Variants in NEB observed in about 807,000 individuals in gnomAD.
NEB encodes nemaline myopathy type 2.
NEB carries 512 observed loss-of-function variants against 952.2 expected under a neutral mutation model. The observed-to-expected ratio is 0.54, with a 90% confidence interval of 0.50 to 0.58. NEB has a LOEUF of 0.58. Ranked by LOEUF, NEB falls within the 20% of genes least tolerant of loss-of-function variation. NEB has a pLI of 0.00. For synonymous variants in NEB, 2,900 were observed against 3,149.8 expected (o/e 0.92, Z 2.66); for missense variants, 8,428 against 9,231.1 (o/e 0.91, Z 3.56).
rs148794372 is a variant in NEB, at chr2:151,672,519, G to A, written c.4149C>T (p.Thr1383=). The A allele has an allele frequency of 1.0e-4, 167 of 1,613,940 alleles. No homozygotes were observed. Among genetic ancestry groups the A allele is most frequent in the Middle Eastern group, 1.6e-4 (1 of 6,062 alleles). ...NYENTKTSYH[T]PGDMVSITAA... is the part of the protein sequence containing the mutation. ...CTGTGATGCTAACCATGTCCCCAGG[G>A]GTATGGTAGCTGGTTTTGGTGTTCT... The change falls in exon 37 of 182, where the codon ACC becomes ACT. Residue 1383 remains threonine, a synonymous_variant. Transcript: ENST00000397345.
rs1410682084 is a variant in NEB, at chr2:151,546,416, G to A, written c.20395C>T (p.Leu6799=). 6.2e-7 allele frequency: 1 copy of A among 1,613,322 alleles called. No individual in the cohort carries two copies. Among genetic ancestry groups the A allele is most frequent in the African/African-American group, 1.3e-5 (1 of 74,900 alleles). Reference sequence around the variant, plus strand: ...TACAGGAAGCAGCCAAATCCCTTCAGGACCTGCAAGTCCTCTTTGTATTTA... The same window carrying A: ...TACAGGAAGCAGCCAAATCCCTTCAAGACCTGCAAGTCCTCTTTGTATTTA... ...DIKYKEDLQV[L]KGFGCFLYDT... Residue 6799 remains leucine (L), a synonymous_variant, in exon 134 of 182, where the codon CTG becomes TTG. Coordinates refer to ENST00000397345, the MANE Select transcript of NEB (RefSeq NM_001164508.2).
At chr2:151,697,499 A>G (rs1340938131) in intron 14 of NEB, 42 bp from the exon 15 acceptor site, 1 of 1,606,290 alleles carries the variant, frequency 6.2e-7, no homozygotes, top group Non-Finnish European at 8.5e-7. Flanking sequence ...TGGTGAAATA[A>G]TGGGTTCTTT....
chr2:151,516,658 T>G (rs2077870135), intron 156 of NEB, 95 bp from the exon 157 acceptor site: 2 of 813,616 alleles, frequency 2.5e-6, no homozygotes, highest in Non-Finnish European at 4.1e-6. Flanking sequence ...GTTCTGTCAA[T>G]TGGATGGCAT....
At chr2:151,557,327 G>A (rs1020666794) in intron 124 of NEB, among the ~76,000 whole-genome samples, 3 of 152,068 alleles carry the variant, frequency 2.0e-5, no homozygotes, top group African/African-American at 4.8e-5. Flanking sequence ...GGAAGAAGTC[G>A]AATCCCTGAA....
chr2:151,488,490 A>G (rs1427766013), intron 181 of NEB, among the ~76,000 whole-genome samples: 1 of 151,826 alleles, frequency 6.6e-6, no homozygotes, highest in East Asian at 1.9e-4. Flanking sequence ...AAAAAAAAAA[A>G]AAAAAAATTA....
At chr2:151,679,660 G>GGCCCCC in intron 32 of NEB, 61 bp downstream of exon 32, 1 of 682,638 alleles carries the variant, frequency 1.5e-6, no homozygotes, top group Non-Finnish European at 2.7e-6. Context: ...GTCATCGTCA[G>GGCCCCC]ACCCCAAGCC....
In NEB at chr2:151,496,317, CG is replaced by C. The variant is rs2060146436; in HGVS notation, c.24444del (p.Glu8149ArgfsTer67). ...TGATTGTGTTTGACTCGCTCCATCT[CG>C]GGAGTGACAGCTAAAGGAGTTCCCT... is the stretch of plus-strand genomic sequence containing the variant. ...MGKGTPLAVT[P>X]EMERVKHNQE... On this transcript the variant is annotated frameshift_variant, in exon 173 of 182. Coordinates refer to ENST00000397345, the MANE Select transcript of NEB (RefSeq NM_001164508.2). LOFTEE classifies it high-confidence loss of function. 1 of 1,612,120 alleles carries C rather than the reference CG, an allele frequency of 6.2e-7. No individual in the cohort carries two copies. The highest frequency in any genetic ancestry group is 8.5e-7 in the Non-Finnish European group (1 of 1,179,084).
At chr2:151,667,222 T>C (rs1046468597) in intron 40 of NEB, among the ~76,000 whole-genome samples, 31 of 151,950 alleles carry the variant, frequency 2.0e-4, no homozygotes, top group African/African-American at 7.5e-4. Context: ...CTGAATTATT[T>C]TAAAATACTT....
intron 65 of NEB, 132 bp from the exon 66 acceptor site, chr2:151,631,478 A>C: frequency 1.0e-6 from 1 of 969,210 alleles, no homozygotes; most frequent in South Asian, 2.0e-5. Context: ...TATAAGGCAA[A>C]CTAAAAGAAT....
At chr2:151,613,292 T>A (rs2098077964) in intron 77 of NEB, among the ~76,000 whole-genome samples, 1 of 152,200 alleles carries the variant, frequency 6.6e-6, no homozygotes, top group South Asian at 2.1e-4. Context: ...TTCATATGTA[T>A]AATTCATTTT....
chr2:151,562,517 G>T, intron 120 of NEB, 94 bp downstream of exon 120: 2 of 1,248,262 alleles, frequency 1.6e-6, no homozygotes, highest in East Asian at 2.5e-5. Context: ...TATGAATACA[G>T]GGACAACGGG....
In NEB at chr2:151,664,518, T is replaced by C. The variant is rs1466182533; in HGVS notation, c.5434A>G (p.Arg1812Gly). The C allele has an allele frequency of 1.4e-5, 22 of 1,594,944 alleles. No homozygotes were observed. Among genetic ancestry groups the C allele is most frequent in the Non-Finnish European group, 1.9e-5 (22 of 1,172,380 alleles). The change falls in exon 44 of 182, where the codon AGA becomes GGA. Residue 1812 changes from arginine to glycine, a missense_variant. By Grantham distance (125) the Arg-to-Gly change is moderately radical. This residue lies in a region of NEB where 2,851 missense variants were observed against 2,791.5 expected (regional missense o/e 1.02). Coordinates refer to ENST00000397345, the MANE Select transcript of NEB (RefSeq NM_001164508.2). ...AIAIKAARAS[R>G]DIASDYKYKK... Reference sequence around the variant, plus strand: ...GCACTTACATCACTGGCAATGTCTCTAGAGGCTCTTGCAGCCTTTATTGCA... The same window carrying C: ...GCACTTACATCACTGGCAATGTCTCCAGAGGCTCTTGCAGCCTTTATTGCA...
At chr2:151,711,266 T>C (rs1477721758) in intron 10 of NEB, among the ~76,000 whole-genome samples, 1 of 152,196 alleles carries the variant, frequency 6.6e-6, no homozygotes, top group Non-Finnish European at 1.5e-5. Flanking sequence ...GAAGTGTTCT[T>C]GGAGCAGAAT....
intron 37 of NEB, 51 bp from the exon 38 acceptor site, chr2:151,671,280 G>T: frequency 6.9e-7 from 1 of 1,456,416 alleles, no homozygotes; most frequent in Non-Finnish European, 9.5e-7. Context: ...ATATTCAAGG[G>T]ATGTTTCTGG....
Position 151,709,702 on chromosome 2 carries a change from G to C in NEB, c.989C>G (p.Thr330Arg). 2.5e-6 allele frequency: 4 copies of C among 1,605,992 alleles called. No individual in the cohort carries two copies. The highest frequency in any genetic ancestry group is 3.4e-6 in the Non-Finnish European group (4 of 1,175,688). ...KDQIYFMQTE[T>R]PEYKMNKKAG... ...TTTTTTATTCATTTTATACTCTGGT[G>C]TTTCGGTCTGCATGAAGTAGATCTG... The change falls in exon 12 of 182, where the codon ACA becomes AGA. Residue 330 changes from threonine to arginine, a missense_variant. Transcript: ENST00000397345.
intron 168 of NEB, among the ~76,000 whole-genome samples, chr2:151,501,113 T>TTTTC (rs1310633768): frequency 3.3e-5 from 5 of 150,436 alleles, no homozygotes; most frequent in Non-Finnish European, 7.5e-5. Context: ...AGTGTTTGGT[T>TTTTC]TTTCTTTTCT....
chr2:151,509,570 G>A (rs6433469), intron 161 of NEB, among the ~76,000 whole-genome samples: 89,966 of 151,800 alleles, frequency 0.59, 27,063 homozygotes, highest in Admixed American at 0.7. Flanking sequence ...GCTATTTCTC[G>A]TGGCCCAATA....
At chr2:151,677,425 G>A (rs1046793516) in intron 34 of NEB, 140 bp downstream of exon 34, 9 of 637,516 alleles carry the variant, frequency 1.4e-5, no homozygotes, top group Admixed American at 3.7e-5. Context: ...ACACATAACT[G>A]TAATTTTTAA....
At chr2:151,497,944 G>GTTA (rs2061418884) in intron 170 of NEB, 4 of 1,444,072 alleles carry the variant, frequency 2.8e-6, no homozygotes, top group Admixed American at 5.8e-5. Flanking sequence ...AGTTATCCAT[G>GTTA]TTATTTTTTT....
Sources: allele counts gnomAD v4.1 joint callset (sites outside exome capture counted in the v4.1 genomes callset), GRCh38; gene constraint gnomAD v4.1.1; regional missense constraint gnomAD v4.1.1; transcripts MANE v1.5; gene names NCBI Gene and HGNC (gene_info 2026-07-23, HGNC 2026-07-21).